Variants in FAM169A observed in about 807,000 individuals in gnomAD.
FAM169A encodes soluble lamin-associated protein of 75 kDa.
A neutral mutation model predicts 75.7 loss-of-function variants in FAM169A; 24 were observed. The ratio of observed to expected loss-of-function variants is 0.32; its 90% CI spans 0.23 to 0.45. The LOEUF (loss-of-function observed/expected upper bound fraction) is 0.45, where lower values mean the gene tolerates loss of function less well. Among genes scored for constraint, FAM169A ranks in the 20% least tolerant of loss-of-function variants. The probability of loss-of-function intolerance (pLI) is 1.00; values close to 1 mark genes in which losing one functional copy is unlikely to be tolerated. For missense variants in FAM169A, 673 were observed against 784.0 expected, an observed-to-expected ratio of 0.86 and a Z score of 1.69; for synonymous variants, 271 against 271.0, an observed-to-expected ratio of 1.00 and a Z score of 0.00.
intron 6 of FAM169A, among the ~76,000 whole-genome samples, chr5:74,807,490 C>T (rs1371699157): frequency 1.3e-5 from 2 of 152,152 alleles, no homozygotes; most frequent in African/African-American, 2.4e-5. Flanking sequence ...ATTCAAATGA[C>T]TGTTTCTACT....
At chr5:74,796,454 G>A (rs1020052709) in intron 10 of FAM169A, among the ~76,000 whole-genome samples, 1 of 151,210 alleles carries the variant, frequency 6.6e-6, no homozygotes, top group Non-Finnish European at 1.5e-5. Flanking sequence ...TGCCCAGGCT[G>A]GAGTGCAATG....
At chr5:74,786,174 C>T (rs1246780289) in intron 11 of FAM169A, among the ~76,000 whole-genome samples, 1 of 152,230 alleles carries the variant, frequency 6.6e-6, no homozygotes, top group South Asian at 2.1e-4. Flanking sequence ...CTTCAGGACT[C>T]AGACTGGCTT....
rs1334660934 is a variant in FAM169A at position 74,842,050 on chromosome 5, TTGGA to T, written c.-3-375_-3-372del. Among the ~76,000 whole-genome samples, 7 of 151,954 alleles carry T rather than the reference TTGGA, an allele frequency of 4.6e-5. No homozygotes were observed. In the East Asian group the frequency reaches 1.2e-3, roughly 25 times the overall value. ...CACTGTAAAAGGACACGAGAACTTG[TTGGA>T]ATAATGAAAATGTTCTACAATTGGA... On this transcript the variant is annotated intron_variant, in intron 1 of 12. Coordinates refer to ENST00000687041, the MANE Select transcript of FAM169A (RefSeq NM_001376049.1).
At chr5:74,789,368 CTAAGG>C (rs1745860214) in intron 11 of FAM169A, among the ~76,000 whole-genome samples, 1 of 152,164 alleles carries the variant, frequency 6.6e-6, no homozygotes, top group Non-Finnish European at 1.5e-5. Flanking sequence ...GATATTCCTT[CTAAGG>C]TAAAGGATAG....
chr5:74,845,389 G>A (rs777012999), intron 1 of FAM169A, among the ~76,000 whole-genome samples: 10 of 151,972 alleles, frequency 6.6e-5, no homozygotes, highest in Admixed American at 3.9e-4. Flanking sequence ...GTGGTAGTGC[G>A]TGTCTGTAGT....
intron 10 of FAM169A, chr5:74,798,944 T>A: frequency 1.2e-6 from 1 of 857,744 alleles, no homozygotes; most frequent in South Asian, 1.3e-5. Context: ...TCCAAGACCG[T>A]CCGGACTGCC....
chr5:74,858,559 A>G (rs1749844815), intron 1 of FAM169A, among the ~76,000 whole-genome samples: 1 of 152,184 alleles, frequency 6.6e-6, no homozygotes, highest in African/African-American at 2.4e-5. Context: ...AATGAGGGGA[A>G]CAACAGACAC....
intron 5 of FAM169A, among the ~76,000 whole-genome samples, chr5:74,814,817 G>C (rs1305402882): frequency 6.6e-6 from 1 of 152,156 alleles, no homozygotes; most frequent in African/African-American, 2.4e-5. Flanking sequence ...CAAGTTGAGG[G>C]AACGTGGTGG....
At chr5:74,813,277 T>C (rs934141186) in intron 6 of FAM169A, among the ~76,000 whole-genome samples, 1 of 152,068 alleles carries the variant, frequency 6.6e-6, no homozygotes, top group African/African-American at 2.4e-5. Context: ...AACCACTGAA[T>C]TGTACACTTT....
chr5:74,838,078 C>T (rs1748662314), intron 4 of FAM169A, among the ~76,000 whole-genome samples: 1 of 146,036 alleles, frequency 6.8e-6, no homozygotes, highest in Admixed American at 6.9e-5. Flanking sequence ...GATAGCACCC[C>T]ACTCCAGCCT....
At chr5:74,838,830 G>T (rs755177675) in intron 4 of FAM169A, 135 bp downstream of exon 4, 4 of 695,014 alleles carry the variant, frequency 5.8e-6, no homozygotes, top group South Asian at 1.8e-5. Flanking sequence ...TGGCTTCATC[G>T]TAAGAATGAA....
At chr5:74,849,152 C>G (rs111231218) in intron 1 of FAM169A, among the ~76,000 whole-genome samples, 1 of 152,196 alleles carries the variant, frequency 6.6e-6, no homozygotes, top group Non-Finnish European at 1.5e-5. Context: ...AAACATAATA[C>G]CAAGACCTCT....
At chr5:74,808,486 A>G (rs1747003825) in intron 6 of FAM169A, among the ~76,000 whole-genome samples, 1 of 152,166 alleles carries the variant, frequency 6.6e-6, no homozygotes, top group African/African-American at 2.4e-5. Context: ...GGGTAGGGGA[A>G]AAGGGGAGTT....
At chr5:74,844,881 G>A (rs546310749) in intron 1 of FAM169A, among the ~76,000 whole-genome samples, 2 of 152,256 alleles carry the variant, frequency 1.3e-5, no homozygotes, top group African/African-American at 4.8e-5. Flanking sequence ...AGTTCTTAAA[G>A]GAAGTATAAA....
chr5:74,801,697 T>C (rs2112531024), intron 8 of FAM169A, 68 bp from the exon 9 acceptor site: 1 of 1,181,728 alleles, frequency 8.5e-7, no homozygotes. Flanking sequence ...CTATTTCACT[T>C]ATAGTTTCAA....
intron 4 of FAM169A, among the ~76,000 whole-genome samples, chr5:74,836,659 G>A (rs1748585538): frequency 6.6e-6 from 1 of 152,132 alleles, no homozygotes; most frequent in African/African-American, 2.4e-5. Flanking sequence ...ATTTAAGAGG[G>A]AACGTAGGCC....
At chr5:74,824,838 CTT>C (rs1230997135) in intron 5 of FAM169A, among the ~76,000 whole-genome samples, 64 of 152,058 alleles carry the variant, frequency 4.2e-4, no homozygotes, top group African/African-American at 1.5e-3. Context: ...TACTATACCT[CTT>C]GATTTCTATT....
chr5:74,863,109 T>C (rs916237788), intron 1 of FAM169A, among the ~76,000 whole-genome samples: 3 of 151,024 alleles, frequency 2.0e-5, no homozygotes, highest in Non-Finnish European at 2.9e-5. Context: ...CATAGATGAG[T>C]AGTCCCCTAT....
At chr5:74,794,456 G>A (rs1269932020) in intron 11 of FAM169A, among the ~76,000 whole-genome samples, 6 of 151,068 alleles carry the variant, frequency 4.0e-5, no homozygotes, top group South Asian at 2.1e-4. Flanking sequence ...GCCGGGTATG[G>A]TGGGTCATGC....
Sources: gnomAD v4.1 joint callset for allele counts (sites outside exome capture counted in the v4.1 genomes callset) on GRCh38, gnomAD v4.1.1 for gene constraint, MANE v1.5 for transcripts, NCBI Gene and HGNC (gene_info 2026-07-23, HGNC 2026-07-21) for gene names.